The following CTNNA3 variants were observed in gnomAD, a reference collection of about 807,000 sequenced individuals.
The protein encoded by CTNNA3 is catenin alpha 3, also known as catenin alpha-3.
A neutral mutation model predicts 95.7 loss-of-function variants in CTNNA3; 76 were observed. That is an observed-to-expected ratio of 0.79 (90% CI 0.66 to 0.96). CTNNA3 has a LOEUF of 0.96. CTNNA3 is among the 40% of genes least tolerant of loss of function. The pLI, the probability that CTNNA3 is intolerant of heterozygous loss-of-function variation, is 0.00. For missense variants in CTNNA3, 1,191 were observed against 1,089.8 expected, an observed-to-expected ratio of 1.09 and a Z score of -1.31; for synonymous variants, 431 against 374.4, an observed-to-expected ratio of 1.15 and a Z score of -1.74.
chr10:67,127,347 G>A (rs190186154), intron 7 of CTNNA3, among the ~76,000 whole-genome samples: 1 of 152,192 alleles, frequency 6.6e-6, no homozygotes, highest in Admixed American at 6.5e-5. Context: ...AATAATAAAA[G>A]GAGTTCCAAA....
At chr10:66,615,369 A>G (rs1366732722) in intron 10 of CTNNA3, among the ~76,000 whole-genome samples, 2 of 152,002 alleles carry the variant, frequency 1.3e-5, no homozygotes, top group African/African-American at 2.4e-5. Context: ...GTCAGTCCCC[A>G]TATCACGCTA....
intron 13 of CTNNA3, among the ~76,000 whole-genome samples, chr10:66,137,019 A>AC (rs1393602508): frequency 1.3e-5 from 2 of 151,998 alleles, no homozygotes; most frequent in Admixed American, 1.3e-4. Flanking sequence ...CATGGGTTTC[A>AC]CCATGTTGGC....
intron 3 of CTNNA3, among the ~76,000 whole-genome samples, chr10:67,598,357 C>T (rs943773361): frequency 6.6e-6 from 1 of 152,132 alleles, no homozygotes; most frequent in African/African-American, 2.4e-5. Context: ...GCCTATTTAA[C>T]TCATCCCTTC....
chr10:66,318,086 G>A (rs1050757433), intron 12 of CTNNA3, among the ~76,000 whole-genome samples: 2 of 151,894 alleles, frequency 1.3e-5, no homozygotes, highest in Non-Finnish European at 1.5e-5. Flanking sequence ...CCTTGTACAG[G>A]CTCTTATTTA....
intron 3 of CTNNA3, among the ~76,000 whole-genome samples, chr10:67,601,139 G>A (rs1340416964): frequency 6.6e-6 from 1 of 152,098 alleles, no homozygotes; most frequent in African/African-American, 2.4e-5. Context: ...GATAATGTGT[G>A]CACTTTTCTG....
rs144037197 is a variant in CTNNA3 at position 66,345,802 on chromosome 10, G to A, written c.1732+33350C>T. On this transcript the variant is annotated intron_variant, in intron 12 of 17. Transcript: ENST00000433211. The stretch of plus-strand genomic sequence containing the variant: ...AATATCCCACATCTGAAATAATGGC[G>A]TGGTGGCTCACACCTGTAATCCCAG... Among the ~76,000 whole-genome samples, 741 of 151,984 alleles carry A rather than the reference G, an allele frequency of 4.9e-3. 8 individuals are homozygous for A. Among genetic ancestry groups the A allele is most frequent in the Middle Eastern group, 0.044 (13 of 294 alleles).
At chr10:67,469,645 A>G (rs1847743249) in intron 5 of CTNNA3, among the ~76,000 whole-genome samples, 1 of 152,142 alleles carries the variant, frequency 6.6e-6, no homozygotes. Flanking sequence ...GCATTAGGAG[A>G]AATACCTAAT....
intron 11 of CTNNA3, among the ~76,000 whole-genome samples, chr10:66,439,086 C>T (rs928384965): frequency 1.3e-5 from 2 of 152,080 alleles, no homozygotes; most frequent in Non-Finnish European, 2.9e-5. Context: ...AGAAATCACC[C>T]ACCTTCTGCA....
chr10:67,001,069 G>A (rs1419528188), intron 7 of CTNNA3, among the ~76,000 whole-genome samples: 5 of 152,100 alleles, frequency 3.3e-5, no homozygotes, highest in South Asian at 4.2e-4. Flanking sequence ...TTGGGAGGCC[G>A]AGGTGGGTGG....
chr10:66,685,296 T>C (rs1847233571), intron 9 of CTNNA3, among the ~76,000 whole-genome samples: 1 of 97,852 alleles, frequency 1.0e-5, no homozygotes, highest in Admixed American at 9.9e-5. Flanking sequence ...TATATATATG[T>C]GTGTATATAT....
intron 11 of CTNNA3, among the ~76,000 whole-genome samples, chr10:66,390,188 C>T (rs1415969253): frequency 6.6e-6 from 1 of 152,168 alleles, no homozygotes; most frequent in African/African-American, 2.4e-5. Flanking sequence ...AGAGAACAGA[C>T]TGAAAGTAGC....
At chr10:67,617,162 G>A (rs1347675121) in intron 2 of CTNNA3, among the ~76,000 whole-genome samples, 1 of 152,112 alleles carries the variant, frequency 6.6e-6, no homozygotes, top group Non-Finnish European at 1.5e-5. Context: ...TTGCTAAATA[G>A]GTAAACTCAC....
intron 5 of CTNNA3, among the ~76,000 whole-genome samples, chr10:67,241,224 C>G (rs926244464): frequency 6.6e-6 from 1 of 152,028 alleles, no homozygotes; most frequent in African/African-American, 2.4e-5. Context: ...AGTTCAAGAC[C>G]AGCCTGGCCA....
intron 5 of CTNNA3, among the ~76,000 whole-genome samples, chr10:67,317,587 G>A (rs778002316): frequency 4.6e-5 from 7 of 151,916 alleles, no homozygotes; most frequent in African/African-American, 1.2e-4. Flanking sequence ...CACCATGCCC[G>A]GCTAATTTTT....
chr10:67,510,267 C>T (rs139876224), intron 5 of CTNNA3, among the ~76,000 whole-genome samples: 1,598 of 152,268 alleles, frequency 0.01, 33 homozygotes, highest in African/African-American at 0.036. Flanking sequence ...TTGCCCATGC[C>T]TATGTCCTGA....
At chr10:67,285,830 A>G (rs910827538) in intron 5 of CTNNA3, among the ~76,000 whole-genome samples, 2 of 152,204 alleles carry the variant, frequency 1.3e-5, no homozygotes, top group Non-Finnish European at 2.9e-5. Flanking sequence ...ATTTCATCAC[A>G]ACAGCAATAT....
At chr10:65,944,900 C>CTTTCT (rs1554818820) in intron 17 of CTNNA3, among the ~76,000 whole-genome samples, 1 of 111,882 alleles carries the variant, frequency 8.9e-6, no homozygotes, top group African/African-American at 3.2e-5. Flanking sequence ...ATCTATCTAT[C>CTTTCT]ATCTATCTAT....
Position 67,172,061 on chromosome 10 carries a change from G to T in CTNNA3, c.1047+8256C>A, listed in dbSNP as rs565215180. ...ATTTCCTACAACAAACAACCTATGTGATTCCTGCTCTGTGCCTTTGCACAG... is the reference window on the plus strand; with the variant it reads ...ATTTCCTACAACAAACAACCTATGTTATTCCTGCTCTGTGCCTTTGCACAG... On this transcript the variant is annotated intron_variant, in intron 7 of 17. Transcript: ENST00000433211. Among the ~76,000 whole-genome samples the T allele has an allele frequency of 2.6e-5, 4 of 152,196 alleles. No homozygotes were observed. In the South Asian group the frequency reaches 8.3e-4, roughly 32 times the overall value.
chr10:66,107,519 T>C (rs984689397), intron 13 of CTNNA3, among the ~76,000 whole-genome samples: 67 of 152,078 alleles, frequency 4.4e-4, no homozygotes, highest in Admixed American at 4.4e-3. Context: ...AAAACAAATA[T>C]AGAAGTTGAA....
Sources: allele counts gnomAD v4.1 joint callset (sites outside exome capture counted in the v4.1 genomes callset), GRCh38; gene constraint gnomAD v4.1.1; transcripts MANE v1.5; gene names NCBI Gene and HGNC (gene_info 2026-07-23, HGNC 2026-07-21).